Variants in KCND3 observed in about 807,000 individuals in gnomAD.
The protein encoded by KCND3 is potassium voltage-gated channel subfamily D member 3.
A neutral mutation model predicts 51.1 loss-of-function variants in KCND3; 9 were observed. The observed-to-expected ratio is 0.18, with a 90% CI of 0.11 to 0.31. KCND3 has a LOEUF of 0.31. KCND3 is among the 10% of genes least tolerant of loss of function. The pLI, the probability that KCND3 is intolerant of heterozygous loss-of-function variation, is 1.00. For synonymous variants in KCND3, 349 were observed against 368.0 expected, an observed-to-expected ratio of 0.95 and a Z score of 0.59; for missense variants, 526 against 903.8, an observed-to-expected ratio of 0.58 and a Z score of 5.36.
At chr1:111,980,203 A>AGGGTGTGT (rs559378807) in intron 2 of KCND3, among the ~76,000 whole-genome samples, 1 of 142,956 alleles carries the variant, frequency 7.0e-6, no homozygotes, top group South Asian at 2.3e-4. Flanking sequence ...CCATTTGAAG[A>AGGGTGTGT]GTGTGTGTGT....
chr1:111,786,594 A>G (rs1374786835), intron 3 of KCND3, among the ~76,000 whole-genome samples: 3 of 152,226 alleles, frequency 2.0e-5, no homozygotes, highest in Admixed American at 2.0e-4. Context: ...GATATTAAAA[A>G]GAGATTATGT....
chr1:111,809,512 G>A (rs1665743980), intron 2 of KCND3, among the ~76,000 whole-genome samples: 1 of 152,116 alleles, frequency 6.6e-6, no homozygotes, highest in Non-Finnish European at 1.5e-5. Flanking sequence ...GTTTCACCAT[G>A]TTAGCCAGGA....
chr1:111,900,818 G>A (rs1670350083), intron 2 of KCND3, among the ~76,000 whole-genome samples: 2 of 152,128 alleles, frequency 1.3e-5, no homozygotes, highest in East Asian at 1.9e-4. Context: ...TTAGCCGGGT[G>A]TGGTGGCATG....
At chr1:111,924,472 T>G (rs1245074922) in intron 2 of KCND3, among the ~76,000 whole-genome samples, 1 of 152,134 alleles carries the variant, frequency 6.6e-6, no homozygotes, top group Non-Finnish European at 1.5e-5. Context: ...GTCAGTGAAG[T>G]TTTTATTTGT....
At position 111,770,950 on chromosome 1, in the gene KCND3, C is replaced by T. The variant is rs1291627958; in HGVS notation, c.*5127G>A. 7 of 152,032 alleles carry T rather than the reference C, an allele frequency of 4.6e-5. No individual in the cohort carries two copies. The highest frequency in any genetic ancestry group is 8.8e-5 in the Non-Finnish European group (6 of 68,000). 9.4% of individuals were successfully genotyped at this position (152,032 alleles called of 1,614,324 possible). ...AAAAGAACACACTTGATGTATCTCA[C>T]GATGACATTAATGGGGGGAAGGGTG... On this transcript the variant is annotated 3_prime_UTR_variant, in exon 8 of 8. Coordinates refer to ENST00000302127, the MANE Select transcript of KCND3 (RefSeq NM_001378969.1).
intron 2 of KCND3, among the ~76,000 whole-genome samples, chr1:111,853,054 T>G (rs1667895845): frequency 6.6e-6 from 1 of 152,174 alleles, no homozygotes; most frequent in African/African-American, 2.4e-5. Context: ...TATCCACTGA[T>G]CCTCACGGCA....
intron 2 of KCND3, among the ~76,000 whole-genome samples, chr1:111,838,163 T>C (rs1006070700): frequency 2.0e-5 from 3 of 152,104 alleles, no homozygotes; most frequent in Admixed American, 1.3e-4. Flanking sequence ...CACTACGGAG[T>C]AGGGAGTGGT....
rs185678935 is a variant in KCND3 at position 111,829,951 on chromosome 1, G to A, written c.1107-42845C>T. Among the ~76,000 whole-genome samples the A allele has an allele frequency of 1.8e-3, 276 of 152,182 alleles. 1 individual carries two copies. The highest frequency in any genetic ancestry group is 6.3e-3 in the African/African-American group (260 of 41,472). ...GTTGCGTTGACCCTCTCATGTTCTC[G>A]CCTACTCCATTTCTACTGCCATTCT... On this transcript the variant is annotated intron_variant, in intron 2 of 7. Coordinates refer to ENST00000302127, the MANE Select transcript of KCND3 (RefSeq NM_001378969.1).
chr1:111,862,008 G>A (rs1005935696), intron 2 of KCND3, among the ~76,000 whole-genome samples: 1 of 152,112 alleles, frequency 6.6e-6, no homozygotes, highest in African/African-American at 2.4e-5. Flanking sequence ...CTCCTACCCT[G>A]GGCTAAACAG....
chr1:111,862,972 A>G (rs948076574), intron 2 of KCND3, among the ~76,000 whole-genome samples: 11 of 152,240 alleles, frequency 7.2e-5, no homozygotes, highest in African/African-American at 2.4e-4. Flanking sequence ...GCACCTTGGC[A>G]CTGGACATTT....
At chr1:111,890,243 T>A (rs527757935) in intron 2 of KCND3, among the ~76,000 whole-genome samples, 18 of 152,152 alleles carry the variant, frequency 1.2e-4, no homozygotes, top group Non-Finnish European at 1.9e-4. Context: ...TAGGAGGACA[T>A]TACAGTAAGC....
At chr1:111,878,598 C>A (rs1434583390) in intron 2 of KCND3, among the ~76,000 whole-genome samples, 2 of 152,216 alleles carry the variant, frequency 1.3e-5, no homozygotes, top group African/African-American at 4.8e-5. Flanking sequence ...TGCTTTAACC[C>A]ACACAGCTGG....
chr1:111,972,693 C>T (rs1044908051), intron 2 of KCND3, among the ~76,000 whole-genome samples: 13 of 152,200 alleles, frequency 8.5e-5, no homozygotes, highest in African/African-American at 2.9e-4. Flanking sequence ...TCAGCACATG[C>T]CCCATTCTCT....
intron 2 of KCND3, among the ~76,000 whole-genome samples, chr1:111,796,662 T>C (rs1665070457): frequency 6.6e-6 from 1 of 152,196 alleles, no homozygotes; most frequent in South Asian, 2.1e-4. Context: ...GAAAAATAAC[T>C]AATGAGTACT....
At chr1:111,989,178 G>A (rs1245409025) in intron 1 of KCND3, 1 of 152,344 alleles carries the variant, frequency 6.6e-6, no homozygotes, top group Non-Finnish European at 1.5e-5. Context: ...CAAGAGCGGG[G>A]ACGGAGCAAG....
intron 2 of KCND3, among the ~76,000 whole-genome samples, chr1:111,848,496 G>A (rs1298634725): frequency 6.6e-6 from 1 of 152,124 alleles, no homozygotes; most frequent in Non-Finnish European, 1.5e-5. Context: ...TGACTCTCAG[G>A]TATCTGTCTA....
chr1:111,833,980 A>C (rs903006090), intron 2 of KCND3, among the ~76,000 whole-genome samples: 4 of 152,232 alleles, frequency 2.6e-5, no homozygotes, highest in African/African-American at 9.6e-5. Context: ...CCAGGAGTAG[A>C]TGGAAGATCA....
chr1:111,878,620 G>A (rs1010937773), intron 2 of KCND3, among the ~76,000 whole-genome samples: 4 of 152,240 alleles, frequency 2.6e-5, no homozygotes, highest in Non-Finnish European at 5.9e-5. Flanking sequence ...TGCTGAAGCC[G>A]ACAGATGTGG....
chr1:111,970,078 G>A (rs1328131128), intron 2 of KCND3, among the ~76,000 whole-genome samples: 1 of 151,298 alleles, frequency 6.6e-6, no homozygotes, highest in Non-Finnish European at 1.5e-5. Flanking sequence ...ATGCAATGGC[G>A]CGATCTCAGC....
Sources: gnomAD v4.1 joint callset for allele counts (sites outside exome capture counted in the v4.1 genomes callset) on GRCh38, gnomAD v4.1.1 for gene constraint, MANE v1.5 for transcripts, NCBI Gene and HGNC (gene_info 2026-07-23, HGNC 2026-07-21) for gene names.